The following RAB2B variants were observed in gnomAD, a reference collection of about 807,000 sequenced individuals.
The protein encoded by RAB2B is ras-related protein Rab-2B.
RAB2B carries 20 observed loss-of-function variants against 29.8 expected under a neutral mutation model. That is an observed-to-expected ratio of 0.67 (90% confidence interval 0.47 to 0.97). The LOEUF (loss-of-function observed/expected upper bound fraction) is 0.97, where lower values mean the gene tolerates loss of function less well. Ranked by LOEUF, RAB2B falls within the 50% of genes least tolerant of loss-of-function variation. The probability of loss-of-function intolerance (pLI) is 0.00; values close to 1 mark genes in which losing one functional copy is unlikely to be tolerated. For synonymous variants in RAB2B, 93 were observed against 91.7 expected (o/e 1.01, Z -0.08); for missense variants, 218 against 272.0 (o/e 0.80, Z 1.40).
intron 5 of RAB2B, among the ~76,000 whole-genome samples, chr14:21,467,144 T>C (rs61973214): frequency 0.2 from 30,040 of 151,580 alleles, 3,896 homozygotes; most frequent in African/African-American, 0.36. Context: ...CCTGACTTTC[T>C]AATCTACCCA....
intron 1 of RAB2B, 78 bp downstream of exon 1, chr14:21,476,749 T>C: frequency 6.9e-7 from 1 of 1,449,632 alleles, no homozygotes; most frequent in Non-Finnish European, 9.2e-7. Flanking sequence ...GCCCACAAAG[T>C]GAGCCCCGCC....
At position 21,460,868 on chromosome 14, in the gene RAB2B, C is replaced by T. The variant is rs1309674367; in HGVS notation, c.*328G>A. 1 of 162,312 alleles carries T rather than the reference C, an allele frequency of 6.2e-6. No individual in the cohort carries two copies. Among genetic ancestry groups the T allele is most frequent in the Non-Finnish European group, 1.3e-5 (1 of 74,732 alleles). The allele number at this position is 162,312 out of a possible 1,614,324, so 10.1% of individuals were successfully genotyped here. On this transcript the variant is annotated 3_prime_UTR_variant, in exon 8 of 8. Transcript: ENST00000397762. ...CCTCAGGTGATCTGCCCACCTTGGC[C>T]TCCCAAAGTGCTAGGATTACAGGCA...
In RAB2B at chr14:21,460,161, A is replaced by G. The variant is rs1315579891; in HGVS notation, c.*1035T>C. 3.9e-6 allele frequency: 2 copies of G among 518,884 alleles called. No homozygotes were observed. The highest frequency in any genetic ancestry group is 7.7e-6 in the Non-Finnish European group (2 of 259,880). 32.1% of individuals were successfully genotyped at this position (518,884 alleles called of 1,614,324 possible). A position where few individuals can be genotyped will look rare whatever the true frequency, so the allele number is the denominator to read the frequency against. ...GCAGACACCCAAAGGCAAGGAAGAA[A>G]AAAACTCAATGAAATTCCGAGGCAG... On this transcript the variant is annotated 3_prime_UTR_variant, in exon 8 of 8. Coordinates refer to ENST00000397762, the MANE Select transcript of RAB2B (RefSeq NM_032846.4).
chr14:21,476,905 G>T lies in RAB2B; in HGVS notation c.-33C>A, dbSNP rs200055709. 9.3e-6 allele frequency: 15 copies of T among 1,611,568 alleles called. No homozygotes were observed. Among genetic ancestry groups the T allele is most frequent in the Non-Finnish European group, 1.3e-5 (15 of 1,179,050 alleles). Reference sequence around the variant, plus strand: ...CGTCCTCTGGGTTCCGGGTCCGCCCGACTTCTATAGCCACTTACCTCCGAC... The same window carrying T: ...CGTCCTCTGGGTTCCGGGTCCGCCCTACTTCTATAGCCACTTACCTCCGAC... On this transcript the variant is annotated 5_prime_UTR_variant, in exon 1 of 8. Transcript: ENST00000397762.
intron 3 of RAB2B, among the ~76,000 whole-genome samples, chr14:21,474,368 A>G (rs1890895678): frequency 6.6e-6 from 1 of 152,226 alleles, no homozygotes; most frequent in Admixed American, 6.5e-5. Flanking sequence ...CCCACAACAT[A>G]GAGATTGTTT....
chr14:21,466,239 C>T (rs144323771), intron 5 of RAB2B, among the ~76,000 whole-genome samples: 2,011 of 152,214 alleles, frequency 0.013, 36 homozygotes, highest in African/African-American at 0.046. Context: ...AATCCCAGCA[C>T]TTTGGGAGGC....
At chr14:21,474,987 T>C in intron 2 of RAB2B, 53 bp from the exon 3 acceptor site, 1 of 1,474,414 alleles carries the variant, frequency 6.8e-7, no homozygotes, top group East Asian at 2.3e-5. Flanking sequence ...AGCAGCCACG[T>C]GGAGTGGGAG....
intron 6 of RAB2B, 107 bp downstream of exon 6, chr14:21,463,549 G>C: frequency 1.1e-6 from 1 of 869,846 alleles, no homozygotes; most frequent in Non-Finnish European, 1.9e-6. Flanking sequence ...GCTCGGCCAA[G>C]ACATCCTTTC....
chr14:21,463,193 C>T (rs531547718), intron 6 of RAB2B, among the ~76,000 whole-genome samples: 5 of 150,154 alleles, frequency 3.3e-5, no homozygotes, highest in Non-Finnish European at 7.4e-5. Context: ...GAAAATGGGA[C>T]AATTCCTTTA....
chr14:21,476,502 GT>G, intron 2 of RAB2B, 25 bp downstream of exon 2: 1 of 1,613,598 alleles, frequency 6.2e-7, no homozygotes, highest in Non-Finnish European at 8.5e-7. Context: ...TTTATCATCT[GT>G]TCTGGAACAA....
At chr14:21,466,145 T>G (rs1311587103) in intron 5 of RAB2B, among the ~76,000 whole-genome samples, 1 of 152,172 alleles carries the variant, frequency 6.6e-6, no homozygotes, top group African/African-American at 2.4e-5. Context: ...CCTTGCAAAC[T>G]CAGAATCTGG....
Position 21,460,241 on chromosome 14 carries a change from G to T in RAB2B, c.*955C>A, listed in dbSNP as rs561182831. The T allele has an allele frequency of 2.1e-5, 11 of 518,806 alleles. No homozygotes were observed. In the East Asian group the frequency reaches 6.0e-4, roughly 28 times the overall value. 32.1% of individuals were successfully genotyped at this position (518,806 alleles called of 1,614,324 possible). On this transcript the variant is annotated 3_prime_UTR_variant, in exon 8 of 8. Transcript: ENST00000397762. ...CTAGGTAATTGCAAGTGTTCAAATA[G>T]AATGTCTTTGACCCTAATTCTTAGT...
At chr14:21,475,836 G>A (rs1890942201) in intron 2 of RAB2B, among the ~76,000 whole-genome samples, 2 of 152,212 alleles carry the variant, frequency 1.3e-5, no homozygotes, top group Non-Finnish European at 2.9e-5. Flanking sequence ...GTGGGACTTG[G>A]AAGTAGCAAT....
chr14:21,475,067 C>A, intron 2 of RAB2B, 133 bp from the exon 3 acceptor site: 1 of 659,094 alleles, frequency 1.5e-6, no homozygotes. Flanking sequence ...TCCATTATTG[C>A]TGCCTATTTG....
intron 2 of RAB2B, among the ~76,000 whole-genome samples, chr14:21,475,447 T>C (rs1017022862): frequency 6.6e-6 from 1 of 150,956 alleles, no homozygotes; most frequent in African/African-American, 2.4e-5. Flanking sequence ...TTTTTTTTTT[T>C]TGAGATGGAG....
At chr14:21,462,208 A>G in intron 7 of RAB2B, 142 bp downstream of exon 7, 1 of 577,488 alleles carries the variant, frequency 1.7e-6, no homozygotes, top group Non-Finnish European at 2.7e-6. Flanking sequence ...GATTTAAAAA[A>G]AAAAAAAAAA....
chr14:21,468,239 A>T (rs574571909), intron 5 of RAB2B, 118 bp downstream of exon 5: 298 of 590,080 alleles, frequency 5.1e-4, no homozygotes, highest in African/African-American at 7.7e-4. Context: ...TCACAACAAA[A>T]TTTTTTTTTT....
At chr14:21,470,631 T>A (rs1041680779) in intron 3 of RAB2B, among the ~76,000 whole-genome samples, 5 of 152,188 alleles carry the variant, frequency 3.3e-5, no homozygotes, top group African/African-American at 1.2e-4. Flanking sequence ...TACAGTTTTA[T>A]ATTTACTCCC....
At position 21,460,226 on chromosome 14, in the gene RAB2B, G is replaced by A; in HGVS notation, c.*970C>T. On this transcript the variant is annotated 3_prime_UTR_variant, in exon 8 of 8. Coordinates refer to ENST00000397762, the MANE Select transcript of RAB2B (RefSeq NM_032846.4). ...AAAGGCCAACTAGATCTAGGTAATTGCAAGTGTTCAAATAGAATGTCTTTG... is the reference window on the plus strand; with the variant it reads ...AAAGGCCAACTAGATCTAGGTAATTACAAGTGTTCAAATAGAATGTCTTTG... 1 of 518,956 alleles carries A rather than the reference G, an allele frequency of 1.9e-6. No individual in the cohort carries two copies. Among genetic ancestry groups the A allele is most frequent in the South Asian group, 1.4e-5 (1 of 71,598 alleles). 32.1% of individuals were successfully genotyped at this position (518,956 alleles called of 1,614,324 possible). A position where few individuals can be genotyped will look rare whatever the true frequency, so the allele number is the denominator to read the frequency against.
Sources: gnomAD v4.1 joint callset for allele counts (sites outside exome capture counted in the v4.1 genomes callset) on GRCh38, gnomAD v4.1.1 for gene constraint, MANE v1.5 for transcripts, NCBI Gene and HGNC (gene_info 2026-07-23, HGNC 2026-07-21) for gene names.